The following HMCN2 variants were observed in gnomAD, a reference collection of about 807,000 sequenced individuals.
HMCN2 encodes hemicentin-2.
HMCN2 carries 325 observed loss-of-function variants against 377.5 expected under a neutral mutation model. The observed-to-expected ratio is 0.86, with a 90% CI of 0.79 to 0.94. HMCN2 has a LOEUF of 0.94. HMCN2 is among the 40% of genes least tolerant of loss of function. The pLI, the probability that HMCN2 is intolerant of heterozygous loss-of-function variation, is 0.00. For missense variants in HMCN2, 4,543 were observed against 4,725.3 expected (o/e 0.96, Z 1.13); for synonymous variants, 2,007 against 2,046.8 (o/e 0.98, Z 0.53).
rs1397207541 is a variant in HMCN2 at position 130,304,950 on chromosome 9, G to A, written c.1764G>A (p.Val588=). Residue 588 remains valine, a synonymous_variant, in exon 11 of 98, where the codon GTG becomes GTA. Coordinates refer to ENST00000683500, the MANE Select transcript of HMCN2 (RefSeq NM_001291815.2). This position sits in a 1 kb window ranked among gnomAD's most constrained non-coding sequence, Gnocchi z 4.3. ...IPTDGGRYQC[V]ASNANGVTRA... is the part of the protein sequence containing the mutation. ...CAGACGGCGGGAGGTACCAGTGTGTGGCCAGCAATGCCAATGGGGTCACAA... is the reference window on the plus strand; with the variant it reads ...CAGACGGCGGGAGGTACCAGTGTGTAGCCAGCAATGCCAATGGGGTCACAA... 1 of 471,032 alleles carries A rather than the reference G, an allele frequency of 2.1e-6. No individual in the cohort carries two copies. Among genetic ancestry groups the A allele is most frequent in the Non-Finnish European group, 4.4e-6 (1 of 227,070 alleles). The allele number at this position is 471,032 out of a possible 1,614,324, so 29.2% of individuals were successfully genotyped here.
At chr9:130,294,112 CTAAA>C in intron 4 of HMCN2, among the ~76,000 whole-genome samples, 1 of 152,146 alleles carries the variant, frequency 6.6e-6, no homozygotes, top group African/African-American at 2.4e-5. Flanking sequence ...TTTGGAGAAA[CTAAA>C]TAAGTTTGTG....
chr9:130,363,126 T>G, intron 40 of HMCN2, 136 bp downstream of exon 40: 1 of 636,826 alleles, frequency 1.6e-6, no homozygotes, highest in Non-Finnish European at 1.9e-6. Flanking sequence ...TGCCTTCCAG[T>G]AGGAATCAGT....
At chr9:130,306,039 A>T in intron 11 of HMCN2, 90 bp from the exon 12 acceptor site, 1 of 438,224 alleles carries the variant, frequency 2.3e-6, no homozygotes, top group Non-Finnish European at 4.8e-6. Flanking sequence ...ATCTGTGACT[A>T]TGGGAGGGGA....
Position 130,430,478 on chromosome 9 carries a change from TG to T in HMCN2, c.14524del (p.Ala4842ProfsTer21). ...RGPLLPWLRP[W>X]ASIPGTSYHA... ...CCCTCTATTGCCCTGGCTGCGGCCC[TG>T]GGCCTCGATCCCCGGTACCTCCTAC... On this transcript the variant is annotated frameshift_variant, in exon 95 of 98. Transcript: ENST00000683500. LOFTEE classifies it high-confidence loss of function. The T allele has an allele frequency of 6.4e-7, 1 of 1,550,526 alleles. No homozygotes were observed. The highest frequency in any genetic ancestry group is 8.7e-7 in the Non-Finnish European group (1 of 1,146,918).
chr9:130,405,460 C>G (rs2097181479), intron 81 of HMCN2, among the ~76,000 whole-genome samples: 1 of 152,166 alleles, frequency 6.6e-6, no homozygotes, highest in Non-Finnish European at 1.5e-5. Context: ...CAGCACTCAT[C>G]AGATTCTGCA....
At chr9:130,419,584 A>G (rs754741948) in intron 86 of HMCN2, 2 of 152,386 alleles carry the variant, frequency 1.3e-5, no homozygotes, top group Non-Finnish European at 2.9e-5. Context: ...AGACCTGCAT[A>G]AAGGCAAGTC....
chr9:130,323,141 A>G (rs1588241302), intron 19 of HMCN2, among the ~76,000 whole-genome samples: 2 of 152,268 alleles, frequency 1.3e-5, no homozygotes, highest in South Asian at 4.1e-4. Context: ...CTGTGCCCTC[A>G]CAGCCGCTTC....
intron 54 of HMCN2, among the ~76,000 whole-genome samples, chr9:130,379,748 T>C (rs1438038490): frequency 6.6e-6 from 1 of 152,254 alleles, no homozygotes; most frequent in Non-Finnish European, 1.5e-5. Context: ...CAGAGGCAGC[T>C]GGCTTCTTTG....
chr9:130,348,338 G>A, intron 26 of HMCN2: 2 of 639,716 alleles, frequency 3.1e-6, no homozygotes, highest in Non-Finnish European at 3.9e-6. Context: ...ACCTGGGCCT[G>A]GGCACGACTG....
Position 130,376,656 on chromosome 9 carries a change from C to G in HMCN2, c.8059C>G (p.Gln2687Glu), listed in dbSNP as rs1841397320. 1 of 985,766 alleles carries G rather than the reference C, an allele frequency of 1.0e-6. No individual in the cohort carries two copies. Among genetic ancestry groups the G allele is most frequent in the South Asian group, 4.7e-5 (1 of 21,298 alleles). The allele number at this position is 985,766 out of a possible 1,614,324, so 61.1% of individuals were successfully genotyped here. The change falls in exon 52 of 98, where the codon CAG becomes GAG. Residue 2687 changes from glutamine (Q) to glutamate (E), a missense_variant and splice_region_variant. Physicochemically the swap from Gln to Glu is conservative, Grantham distance 29. Transcript: ENST00000683500. ...PPTIRWYKDG[Q>E]PVTPSSRLQV... ...CACCATCCGCTGGTACAAGGATGGA[C>G]AGGTGAGTTTGGGACCCCCTGCGCA...
intron 15 of HMCN2, among the ~76,000 whole-genome samples, chr9:130,319,181 C>T (rs983704975): frequency 3.3e-5 from 5 of 152,140 alleles, no homozygotes; most frequent in Admixed American, 2.6e-4. Flanking sequence ...TCCTTAGAGC[C>T]CCTTGGAGGG....
chr9:130,341,816 G>A (rs2131478633), intron 24 of HMCN2, among the ~76,000 whole-genome samples: 1 of 152,182 alleles, frequency 6.6e-6, no homozygotes, highest in African/African-American at 2.4e-5. Flanking sequence ...GAGAGAGTGT[G>A]TGAAGCACCT....
intron 1 of HMCN2, among the ~76,000 whole-genome samples, chr9:130,277,168 C>T (rs1834738121): frequency 6.6e-6 from 1 of 152,266 alleles, no homozygotes; most frequent in African/African-American, 2.4e-5. Context: ...CCACACCCTC[C>T]TCTTGCCCAG....
Position 130,422,584 on chromosome 9 carries a change from C to A in HMCN2, c.13239C>A (p.Pro4413=). Residue 4413 remains proline, a synonymous_variant, in exon 87 of 98, where the codon CCC becomes CCA. Transcript: ENST00000683500. This position sits in a 1 kb window ranked among gnomAD's most constrained non-coding sequence, Gnocchi z 4.2. Reference sequence around the variant, plus strand: ...TCTTTCCCTTCCTTACAGGGGAGCCCCAGGGGAGCTGGGGCAGCATGACTG... The same window carrying A: ...TCTTTCCCTTCCTTACAGGGGAGCCACAGGGGAGCTGGGGCAGCATGACTG... ...ARAFLVVRGE[P]QGSWGSMTGV... The A allele has an allele frequency of 7.6e-7, 1 of 1,316,926 alleles. No individual in the cohort carries two copies. Among genetic ancestry groups the A allele is most frequent in the Non-Finnish European group, 9.7e-7 (1 of 1,026,768 alleles). The allele number at this position is 1,316,926 out of a possible 1,614,324, so 81.6% of individuals were successfully genotyped here.
Position 130,410,724 on chromosome 9 carries a change from G to A in HMCN2, c.12961+72G>A, listed in dbSNP as rs549685957. On this transcript the variant is annotated intron_variant, in intron 85 of 97. Transcript: ENST00000683500. ...GGACAGCGGTGGCGTGTGCAGCCTA[G>A]AGGGCAGACGGCAGGGCTGGGACTT... 144 of 1,268,346 alleles carry A rather than the reference G, an allele frequency of 1.1e-4. No homozygotes were observed. The South Asian group carries it at 1.7e-3, about 15-fold the overall frequency. 78.6% of individuals were successfully genotyped at this position (1,268,346 alleles called of 1,614,324 possible). A position where few individuals can be genotyped will look rare whatever the true frequency, so the allele number is the denominator to read the frequency against.
intron 4 of HMCN2, among the ~76,000 whole-genome samples, chr9:130,291,115 G>C (rs895634212): frequency 3.3e-5 from 5 of 152,182 alleles, no homozygotes; most frequent in Non-Finnish European, 7.3e-5. Flanking sequence ...TTTCCAGGAA[G>C]CGTTTCCCTT....
chr9:130,308,747 A>G lies in HMCN2; in HGVS notation c.2201-1165A>G, dbSNP rs1837042021. Among the ~76,000 whole-genome samples, 1 of 152,176 alleles carries G rather than the reference A, an allele frequency of 6.6e-6. No individual in the cohort carries two copies. Among genetic ancestry groups the G allele is most frequent in the South Asian group, 2.1e-4 (1 of 4,824 alleles). On this transcript the variant is annotated intron_variant, in intron 14 of 97. Coordinates refer to ENST00000683500, the MANE Select transcript of HMCN2 (RefSeq NM_001291815.2). This position sits in a 1 kb window ranked among gnomAD's most constrained non-coding sequence, Gnocchi z 4.1. ...CTTTAAAAGGTGGCCTTGCCATGAA[A>G]TATTCTTCCATCTTCAGAAGGAAGG...
chr9:130,367,184 CA>C (rs1840740546), intron 43 of HMCN2, among the ~76,000 whole-genome samples: 1 of 151,998 alleles, frequency 6.6e-6, no homozygotes, highest in African/African-American at 2.4e-5. Context: ...TGGGAGACCC[CA>C]GGGGCAGATA....
Position 130,361,189 on chromosome 9 carries a change from A to G in HMCN2, c.5950+585A>G, listed in dbSNP as rs1309284192. Among the ~76,000 whole-genome samples the G allele has an allele frequency of 2.0e-5, 3 of 152,216 alleles. No individual in the cohort carries two copies. The highest frequency in any genetic ancestry group is 7.2e-5 in the African/African-American group (3 of 41,466). ...AGACAGACCTAGGAGCTTTCAGTGT[A>G]GTGGAGGACACAGCAATCAGATCAT... On this transcript the variant is annotated intron_variant, in intron 38 of 97. Coordinates refer to ENST00000683500, the MANE Select transcript of HMCN2 (RefSeq NM_001291815.2). This position sits in a 1 kb window ranked among gnomAD's most constrained non-coding sequence, Gnocchi z 4.8.
Sources: gnomAD v4.1 joint callset for allele counts (sites outside exome capture counted in the v4.1 genomes callset) on GRCh38, gnomAD v4.1.1 for gene constraint, Gnocchi (gnomAD v3.1) non-coding constraint, MANE v1.5 for transcripts, NCBI Gene and HGNC (gene_info 2026-07-23, HGNC 2026-07-21) for gene names.